ZC3H11A: variants seen among roughly 807,000 people sequenced by gnomAD.
ZC3H11A encodes the protein zinc finger CCCH domain-containing protein 11A.
A neutral mutation model predicts 90.8 loss-of-function variants in ZC3H11A; 22 were observed. The observed-to-expected ratio is 0.24, with a 90% CI of 0.17 to 0.35. ZC3H11A has a LOEUF of 0.35. Ranked by LOEUF, ZC3H11A falls within the 10% of genes least tolerant of loss-of-function variation. The pLI, the probability that ZC3H11A is intolerant of heterozygous loss-of-function variation, is 1.00. For missense variants in ZC3H11A, 701 were observed against 964.9 expected, an observed-to-expected ratio of 0.73 and a Z score of 3.62; for synonymous variants, 294 against 339.8, an observed-to-expected ratio of 0.87 and a Z score of 1.48.
At chr1:203,834,623 A>G (rs1683629081) in intron 10 of ZC3H11A, among the ~76,000 whole-genome samples, 1 of 152,108 alleles carries the variant, frequency 6.6e-6, no homozygotes, top group African/African-American at 2.4e-5. Context: ...TTGTTGTATA[A>G]CTACCCTAAC....
At position 203,831,789 on chromosome 1, in the gene ZC3H11A, C is replaced by T; in HGVS notation, c.811+18C>T. On this transcript the variant is annotated intron_variant, in intron 9 of 17. Transcript: ENST00000367210. ...CAAACAAGGTAAGGTATAGATAGGT[C>T]TTAGAGTTGTCAAGCCTCTACTTTT... 1 of 1,586,442 alleles carries T rather than the reference C, an allele frequency of 6.3e-7. No individual in the cohort carries two copies. Among genetic ancestry groups the T allele is most frequent in the Non-Finnish European group, 8.6e-7 (1 of 1,160,306 alleles).
chr1:203,824,968 T>C (rs565125842), intron 4 of ZC3H11A, among the ~76,000 whole-genome samples: 1 of 150,374 alleles, frequency 6.7e-6, no homozygotes, highest in East Asian at 2.0e-4. Flanking sequence ...TCCCAGCTAC[T>C]CGGGAGGCTG....
chr1:203,842,464 G>A (rs556087915), intron 12 of ZC3H11A, among the ~76,000 whole-genome samples: 11 of 152,098 alleles, frequency 7.2e-5, no homozygotes, highest in East Asian at 1.9e-4. Context: ...CAAGTGTGGC[G>A]GCGCGCGCCT....
chr1:203,841,552 T>A (rs1264717202), intron 12 of ZC3H11A, among the ~76,000 whole-genome samples: 29 of 152,262 alleles, frequency 1.9e-4, no homozygotes, highest in Admixed American at 1.7e-3. Context: ...CATGTCTACT[T>A]CTTTCTACAC....
Position 203,829,513 on chromosome 1 carries a change from C to G in ZC3H11A, c.361C>G (p.Gln121Glu). 1 of 1,613,998 alleles carries G rather than the reference C, an allele frequency of 6.2e-7. No individual in the cohort carries two copies. Among genetic ancestry groups the G allele is most frequent in the Non-Finnish European group, 8.5e-7 (1 of 1,179,926 alleles). ...EEVKASQLSVQQNKLSVQSNP... is the reference protein window; with the variant it reads ...EEVKASQLSVEQNKLSVQSNP... Reference sequence around the variant, plus strand: ...AGTGAAGGCTAGCCAACTTTCAGTTCAGCAGAACAAATTGTCTGTCCAGTC... The same window carrying G: ...AGTGAAGGCTAGCCAACTTTCAGTTGAGCAGAACAAATTGTCTGTCCAGTC... The change falls in exon 6 of 18, where the codon CAG (glutamine) becomes GAG (glutamate). Residue 121 changes from glutamine to glutamate, a missense_variant. Transcript: ENST00000367210.
At chr1:203,830,534 T>C (rs546480278) in intron 8 of ZC3H11A, among the ~76,000 whole-genome samples, 1 of 152,286 alleles carries the variant, frequency 6.6e-6, no homozygotes, top group East Asian at 1.9e-4. Flanking sequence ...GAGGAAAGGC[T>C]GGGCGTGGTG....
Position 203,838,056 on chromosome 1 carries a change from C to T in ZC3H11A, c.965C>T (p.Pro322Leu), listed in dbSNP as rs754011362. The T allele has an allele frequency of 6.2e-7, 1 of 1,614,024 alleles. No homozygotes were observed. The highest frequency in any genetic ancestry group is 8.5e-7 in the Non-Finnish European group (1 of 1,179,934). Residue 322 changes from proline to leucine, a missense_variant, in exon 11 of 18, where the codon CCA becomes CTA. By Grantham distance (98) the Pro-to-Leu change is moderately conservative. This residue lies in a region of ZC3H11A where 530 missense variants were observed against 696.2 expected (regional missense o/e 0.76). Coordinates refer to ENST00000367210, the MANE Select transcript of ZC3H11A (RefSeq NM_001376342.1). The part of the protein sequence containing the change: ...EAPETNIDKT[P>L]KKAQVSKSLK... ...CCAGAAACTAACATTGACAAAACAC[C>T]AAAGAAAGGTACCTGTGTTCTTACA...
intron 10 of ZC3H11A, chr1:203,835,848 C>T: frequency 4.1e-6 from 1 of 241,756 alleles, no homozygotes; most frequent in Non-Finnish European, 9.1e-6. Context: ...TATGTGCTCC[C>T]TTTTTTTCCG....
In ZC3H11A at chr1:203,842,405, C is replaced by T. The variant is rs536836317; in HGVS notation, c.1042+2031C>T. Among the ~76,000 whole-genome samples the T allele has an allele frequency of 1.1e-3, 170 of 152,228 alleles. 1 individual carries two copies. The highest frequency in any genetic ancestry group is 3.9e-3 in the African/African-American group (162 of 41,528). On this transcript the variant is annotated intron_variant, in intron 12 of 17. Transcript: ENST00000367210. The stretch of plus-strand genomic sequence containing the variant: ...CGCGGTCAGGAGCTGGAGACCAGCC[C>T]GGCCAACACGGCGAAACCCCGTCTC...
intron 2 of ZC3H11A, among the ~76,000 whole-genome samples, chr1:203,807,518 T>TA (rs1672779576): frequency 6.6e-6 from 1 of 151,878 alleles, no homozygotes; most frequent in Non-Finnish European, 1.5e-5. Flanking sequence ...TGTTTTGTCT[T>TA]ACTGTTTTTT....
intron 4 of ZC3H11A, among the ~76,000 whole-genome samples, chr1:203,824,789 A>C (rs538881121): frequency 2.0e-5 from 3 of 152,134 alleles, no homozygotes; most frequent in Non-Finnish European, 2.9e-5. Flanking sequence ...TAGAGAAAAT[A>C]GATTGTTAGG....
chr1:203,829,904 G>C lies in ZC3H11A; in HGVS notation c.619+8G>C, dbSNP rs1327367771. The C allele has an allele frequency of 7.4e-6, 12 of 1,611,652 alleles. No individual in the cohort carries two copies. The highest frequency in any genetic ancestry group is 1.0e-5 in the Non-Finnish European group (12 of 1,177,762). On this transcript the variant is annotated splice_region_variant and intron_variant, in intron 7 of 17. Coordinates refer to ENST00000367210, the MANE Select transcript of ZC3H11A (RefSeq NM_001376342.1). ...CAGTCAATATAAAGCAAGGTAAGAA[G>C]AGGCTAGATTGGTGCCTCTTATAGC...
At chr1:203,819,499 T>TG (rs1558111663) in intron 4 of ZC3H11A, among the ~76,000 whole-genome samples, 1 of 147,564 alleles carries the variant, frequency 6.8e-6, no homozygotes, top group Non-Finnish European at 1.5e-5. Context: ...TGGGATTACA[T>TG]GCGTGAGCCA....
intron 3 of ZC3H11A, among the ~76,000 whole-genome samples, chr1:203,817,973 T>C (rs1053840551): frequency 1.3e-5 from 2 of 152,018 alleles, no homozygotes; most frequent in African/African-American, 2.4e-5. Flanking sequence ...TGTCTTGAAC[T>C]CCTGACCTTG....
At chr1:203,841,439 A>C (rs2103261173) in intron 12 of ZC3H11A, among the ~76,000 whole-genome samples, 1 of 152,306 alleles carries the variant, frequency 6.6e-6, no homozygotes, top group Admixed American at 6.5e-5. Context: ...CTGTGTGGAC[A>C]CAGCACATGT....
At chr1:203,821,409 G>A (rs554939003) in intron 4 of ZC3H11A, among the ~76,000 whole-genome samples, 8 of 151,982 alleles carry the variant, frequency 5.3e-5, no homozygotes, top group Admixed American at 2.0e-4. Flanking sequence ...TCAGTGTGTC[G>A]TACTCTGTTA....
At chr1:203,798,384 T>C in intron 1 of ZC3H11A, 2 of 1,535,128 alleles carry the variant, frequency 1.3e-6, no homozygotes, top group African/African-American at 1.4e-5. Context: ...GTGTAATATA[T>C]GTAAAAGAAG....
intron 4 of ZC3H11A, among the ~76,000 whole-genome samples, chr1:203,820,149 C>T (rs191205176): frequency 4.0e-5 from 6 of 151,524 alleles, no homozygotes; most frequent in South Asian, 2.1e-4. Context: ...GCAGGAGAAT[C>T]GCTTGAACCT....
chr1:203,848,393 A>T lies in ZC3H11A; in HGVS notation c.1609A>T (p.Thr537Ser). The T allele has an allele frequency of 6.2e-7, 1 of 1,610,298 alleles. No individual in the cohort carries two copies. The highest frequency in any genetic ancestry group is 8.5e-7 in the Non-Finnish European group (1 of 1,178,816). ...AGTTGATTCTCAGAGCAGTATTAGAACAGAAGCTAAAGAGGTAAATTTAAG... is the reference window on the plus strand; with the variant it reads ...AGTTGATTCTCAGAGCAGTATTAGATCAGAAGCTAAAGAGGTAAATTTAAG... ...NEVDSQSSIR[T>S]EAKEASGETT... The change falls in exon 14 of 18, where the codon ACA (threonine) becomes TCA (serine). Residue 537 changes from threonine (T) to serine (S), a missense_variant. Thr to Ser is a moderately conservative substitution (Grantham distance 58). This residue lies in a region of ZC3H11A where 530 missense variants were observed against 696.2 expected (regional missense o/e 0.76). Coordinates refer to ENST00000367210, the MANE Select transcript of ZC3H11A (RefSeq NM_001376342.1).
Sources: gnomAD v4.1 joint callset for allele counts (sites outside exome capture counted in the v4.1 genomes callset) on GRCh38, gnomAD v4.1.1 for gene constraint, gnomAD v4.1.1 regional missense constraint, MANE v1.5 for transcripts, NCBI Gene and HGNC (gene_info 2026-07-23, HGNC 2026-07-21) for gene names.